The following LHFPL4 variants were observed in gnomAD, a reference collection of about 807,000 sequenced individuals.
The protein encoded by LHFPL4 is LHFPL tetraspan subfamily member 4, also known as LHFPL tetraspan subfamily member 4 protein.
LHFPL4 carries 6 observed loss-of-function variants against 20.0 expected under a neutral mutation model. The observed-to-expected ratio is 0.30, with a 90% CI of 0.16 to 0.59. The LOEUF is 0.59. Ranked by LOEUF, LHFPL4 falls within the 20% of genes least tolerant of loss-of-function variation. LHFPL4 has a pLI of 0.88. For missense variants in LHFPL4, 215 were observed against 331.2 expected, an observed-to-expected ratio of 0.65 and a Z score of 2.72; for synonymous variants, 129 against 143.8, an observed-to-expected ratio of 0.90 and a Z score of 0.74.
intron 2 of LHFPL4, among the ~76,000 whole-genome samples, chr3:9,533,986 G>A (rs551243579): frequency 7.0e-4 from 107 of 151,964 alleles, no homozygotes; most frequent in African/African-American, 2.5e-3. Flanking sequence ...GGCTGAGGCA[G>A]GTGGATTGCT....
chr3:9,545,397 T>C (rs548090279), intron 2 of LHFPL4, among the ~76,000 whole-genome samples: 1 of 152,270 alleles, frequency 6.6e-6, no homozygotes, highest in Admixed American at 6.5e-5. Flanking sequence ...CAGGGCAATG[T>C]GCTGGGCATG....
intron 2 of LHFPL4, among the ~76,000 whole-genome samples, chr3:9,531,188 G>T (rs111914225): frequency 6.6e-6 from 1 of 152,106 alleles, no homozygotes; most frequent in Non-Finnish European, 1.5e-5. Flanking sequence ...CACCATAAAA[G>T]ATATAATCAT....
At chr3:9,545,969 T>C (rs1265648689) in intron 2 of LHFPL4, among the ~76,000 whole-genome samples, 5 of 151,864 alleles carry the variant, frequency 3.3e-5, no homozygotes, top group African/African-American at 9.7e-5. Flanking sequence ...TATGCCATAG[T>C]GATGGGAGTT....
chr3:9,509,909 T>C (rs1424223574), intron 2 of LHFPL4, among the ~76,000 whole-genome samples: 1 of 152,220 alleles, frequency 6.6e-6, no homozygotes, highest in Admixed American at 6.5e-5. Context: ...ATGAAGAAAC[T>C]GAGGCTGAGG....
intron 2 of LHFPL4, among the ~76,000 whole-genome samples, chr3:9,508,667 C>T (rs764046649): frequency 2.0e-5 from 3 of 152,178 alleles, no homozygotes; most frequent in Non-Finnish European, 2.9e-5. Flanking sequence ...GAGGGGCCTG[C>T]GGAGAAGGCC....
rs1468742869 is a variant in LHFPL4 at position 9,503,553 on chromosome 3, CA to C, written c.644-1243del. Among the ~76,000 whole-genome samples the C allele has an allele frequency of 3.3e-4, 51 of 152,306 alleles. No homozygotes were observed. The South Asian group carries it at 3.5e-3, about 11-fold the overall frequency. On this transcript the variant is annotated intron_variant, in intron 3 of 3. Transcript: ENST00000287585. ...AATCTCTGGCTTCACCAGGTTGAGA[CA>C]GGGGGGAAGAGCTTGGACTTTGGAC... is the stretch of plus-strand genomic sequence containing the variant.
At chr3:9,551,437 T>G (rs1034082326) in intron 2 of LHFPL4, among the ~76,000 whole-genome samples, 12 of 151,420 alleles carry the variant, frequency 7.9e-5, no homozygotes, top group Non-Finnish European at 1.5e-4. Context: ...AATCTATCTC[T>G]GATCGAAAGG....
Position 9,498,440 on chromosome 3 carries a change from C to A in LHFPL4, c.*3771G>T, listed in dbSNP as rs1317135853. 6.6e-6 allele frequency: 1 copy of A among 152,640 alleles called. No homozygotes were observed. The highest frequency in any genetic ancestry group is 1.5e-5 in the Non-Finnish European group (1 of 68,096). The allele number at this position is 152,640 out of a possible 1,614,324, so 9.5% of individuals were successfully genotyped here. A position where few individuals can be genotyped will look rare whatever the true frequency, so the allele number is the denominator to read the frequency against. On this transcript the variant is annotated 3_prime_UTR_variant, in exon 4 of 4. Transcript: ENST00000287585. ...TAAACCCAGCAGCAGCAGAAGGGGT[C>A]AGGACCAAAATAAATGTTACCAAAT...
intron 2 of LHFPL4, among the ~76,000 whole-genome samples, chr3:9,511,148 G>A (rs1156772445): frequency 2.6e-5 from 4 of 151,858 alleles, no homozygotes; most frequent in Admixed American, 6.6e-5. Flanking sequence ...TCAGGAGTTC[G>A]AGACCATCTT....
chr3:9,502,287 G>C lies in LHFPL4; in HGVS notation c.668C>G (p.Ser223Cys). ...NKDFVGSTVSSVLRPGGDVSG... is the reference protein window; with the variant it reads ...NKDFVGSTVSCVLRPGGDVSG... ...GACATCACCCCCGGGCCGCAACACG[G>C]AGCTTACTGTAGAGCCCACAAAATC... The change falls in exon 4 of 4, where the codon TCC (serine) becomes TGC (cysteine). Residue 223 changes from serine (S) to cysteine (C), a missense_variant. Transcript: ENST00000287585. 1 of 1,613,708 alleles carries C rather than the reference G, an allele frequency of 6.2e-7. No homozygotes were observed.
intron 2 of LHFPL4, among the ~76,000 whole-genome samples, chr3:9,538,060 G>A (rs2046454126): frequency 6.6e-6 from 1 of 152,056 alleles, no homozygotes; most frequent in African/African-American, 2.4e-5. Flanking sequence ...AAGAAACTTG[G>A]AGTCATTGTA....
rs1394048303 is a variant in LHFPL4, at chr3:9,510,150, T to C, written c.407-3947A>G. Reference sequence around the variant, plus strand: ...CCAGGGGCACCACCAAACCCAGTCATACTGATTAAAAAATGTCAGTTGGGC... The same window carrying C: ...CCAGGGGCACCACCAAACCCAGTCACACTGATTAAAAAATGTCAGTTGGGC... On this transcript the variant is annotated intron_variant, in intron 2 of 3. Transcript: ENST00000287585. 2.6e-5 allele frequency among the ~76,000 whole-genome samples: 4 copies of C among 152,304 alleles called. No individual in the cohort carries two copies. In the South Asian group the frequency reaches 6.2e-4, roughly 24 times the overall value.
intron 2 of LHFPL4, among the ~76,000 whole-genome samples, chr3:9,533,543 G>A (rs561395174): frequency 7.2e-5 from 11 of 152,328 alleles, no homozygotes; most frequent in African/African-American, 2.4e-4. Context: ...AACACTTTGC[G>A]AGGCCAAGGT....
rs572640441 is a variant in LHFPL4 at position 9,533,651 on chromosome 3, G to A, written c.406+18623C>T. On this transcript the variant is annotated intron_variant, in intron 2 of 3. Transcript: ENST00000287585. ...CACAAAATTAGCTGGGTGTGGTGGC[G>A]GGCGCCTGTAGTCCCAGCTGCTCAG... is the stretch of plus-strand genomic sequence containing the variant. Among the ~76,000 whole-genome samples, 11 of 152,150 alleles carry A rather than the reference G, an allele frequency of 7.2e-5. 1 individual carries two copies. In the South Asian group the frequency reaches 8.3e-4, roughly 11 times the overall value.
At chr3:9,532,275 C>G (rs539245030) in intron 2 of LHFPL4, among the ~76,000 whole-genome samples, 104 of 152,224 alleles carry the variant, frequency 6.8e-4, no homozygotes, top group Non-Finnish European at 1.2e-3. Context: ...GTGATCTGCC[C>G]GCCTTGGCCT....
chr3:9,535,690 C>G (rs558682726), intron 2 of LHFPL4, among the ~76,000 whole-genome samples: 29 of 152,226 alleles, frequency 1.9e-4, no homozygotes, highest in African/African-American at 6.7e-4. Context: ...GAAGGTTTTT[C>G]CAGAAGGACC....
At position 9,552,392 on chromosome 3, in the gene LHFPL4, G is replaced by T; in HGVS notation, c.288C>A (p.Ala96=). 6.2e-7 allele frequency: 1 copy of T among 1,613,956 alleles called. No individual in the cohort carries two copies. Among genetic ancestry groups the T allele is most frequent in the Non-Finnish European group, 8.5e-7 (1 of 1,180,018 alleles). The part of the protein sequence containing the change: ...TIPSSAFKAA[A]FFVLLSMVLI... Reference sequence around the variant, plus strand: ...GCACCATGGAGAGCAGCACGAAGAAGGCGGCCGCCTTGAAGGCGCTGGACG... The same window carrying T: ...GCACCATGGAGAGCAGCACGAAGAATGCGGCCGCCTTGAAGGCGCTGGACG... The change falls in exon 2 of 4, where the codon GCC becomes GCA. Residue 96 remains alanine, a synonymous_variant. Transcript: ENST00000287585.
intron 2 of LHFPL4, among the ~76,000 whole-genome samples, chr3:9,532,401 T>C (rs1362619172): frequency 6.6e-6 from 1 of 152,054 alleles, no homozygotes; most frequent in Non-Finnish European, 1.5e-5. Context: ...AGTACAGTGG[T>C]GTGATCATAG....
chr3:9,513,999 A>G (rs766762081), intron 2 of LHFPL4, among the ~76,000 whole-genome samples: 1 of 152,198 alleles, frequency 6.6e-6, no homozygotes, highest in Non-Finnish European at 1.5e-5. Flanking sequence ...CTGCACCACC[A>G]TCTATAACAA....
Sources: gnomAD v4.1 joint callset for allele counts (sites outside exome capture counted in the v4.1 genomes callset) on GRCh38, gnomAD v4.1.1 for gene constraint, MANE v1.5 for transcripts, NCBI Gene and HGNC (gene_info 2026-07-23, HGNC 2026-07-21) for gene names.